Variants in AHCYL2 observed in about 807,000 individuals in gnomAD.
AHCYL2 encodes S-adenosylhomocysteine hydrolase-like protein 2.
In AHCYL2, 28 loss-of-function variants were observed where a neutral mutation model predicts 81.4. That is an observed-to-expected ratio of 0.34 (90% CI 0.25 to 0.47). The LOEUF is 0.47. Ranked by LOEUF, AHCYL2 falls within the 20% of genes least tolerant of loss-of-function variation. The probability of loss-of-function intolerance (pLI) is 1.00; values close to 1 mark genes in which losing one functional copy is unlikely to be tolerated. For missense variants in AHCYL2, 551 were observed against 785.1 expected (o/e 0.70, Z 3.56); for synonymous variants, 272 against 290.2 (o/e 0.94, Z 0.64).
chr7:129,374,944 C>G (rs1471560858), intron 1 of AHCYL2, among the ~76,000 whole-genome samples: 3 of 149,680 alleles, frequency 2.0e-5, no homozygotes, highest in Non-Finnish European at 4.4e-5. Context: ...GTGTAGCTTT[C>G]TTCCTCACTA....
chr7:129,247,700 C>G (rs1012999264), intron 1 of AHCYL2, among the ~76,000 whole-genome samples: 7 of 152,010 alleles, frequency 4.6e-5, no homozygotes, highest in Non-Finnish European at 1.0e-4. Flanking sequence ...TCCCTGGGCT[C>G]AGATGATTCT....
chr7:129,316,937 C>A (rs953904902), intron 1 of AHCYL2, among the ~76,000 whole-genome samples: 1 of 152,110 alleles, frequency 6.6e-6, no homozygotes, highest in Non-Finnish European at 1.5e-5. Context: ...GATGAAGAAG[C>A]CTTGAGCTGA....
intron 1 of AHCYL2, among the ~76,000 whole-genome samples, chr7:129,370,710 C>T (rs1794365840): frequency 1.3e-5 from 2 of 152,120 alleles, no homozygotes. Context: ...AACAAACAAA[C>T]AAAATAATAA....
At chr7:129,409,387 C>G (rs1796457551) in intron 10 of AHCYL2, 89 bp from the exon 11 acceptor site, 2 of 925,716 alleles carry the variant, frequency 2.2e-6, no homozygotes, top group Non-Finnish European at 3.4e-6. Flanking sequence ...CAAGAAATGA[C>G]AGCAACTTGA....
chr7:129,267,343 C>T, intron 1 of AHCYL2, among the ~76,000 whole-genome samples: 1 of 151,498 alleles, frequency 6.6e-6, no homozygotes, highest in Non-Finnish European at 1.5e-5. Flanking sequence ...TCACTCTTGT[C>T]GCCCAGGCTG....
chr7:129,396,448 C>CTTTG (rs919474390), intron 4 of AHCYL2, among the ~76,000 whole-genome samples: 2 of 149,474 alleles, frequency 1.3e-5, no homozygotes, highest in Admixed American at 1.3e-4. Flanking sequence ...TGAGACAGAG[C>CTTTG]TTTGCTCTTG....
intron 1 of AHCYL2, among the ~76,000 whole-genome samples, chr7:129,364,582 C>T (rs1189700979): frequency 6.6e-6 from 1 of 152,294 alleles, no homozygotes; most frequent in African/African-American, 2.4e-5. Flanking sequence ...TGAGCCACTG[C>T]GCCCAGCTTC....
intron 1 of AHCYL2, among the ~76,000 whole-genome samples, chr7:129,241,307 C>T (rs1355128728): frequency 2.0e-5 from 3 of 152,160 alleles, no homozygotes; most frequent in Non-Finnish European, 4.4e-5. Flanking sequence ...TAATTTCAAA[C>T]AGGCTAGGCA....
intron 6 of AHCYL2, among the ~76,000 whole-genome samples, chr7:129,401,417 G>A (rs1276471107): frequency 6.6e-6 from 1 of 151,956 alleles, no homozygotes; most frequent in African/African-American, 2.4e-5. Context: ...CTAGGGGGAG[G>A]GGGCAGAAAT....
chr7:129,336,002 T>C (rs1166970981), intron 1 of AHCYL2, among the ~76,000 whole-genome samples: 2 of 152,018 alleles, frequency 1.3e-5, no homozygotes, highest in African/African-American at 4.8e-5. Flanking sequence ...CTATTGAGAA[T>C]AGCACATAAG....
At chr7:129,409,435 G>A (rs1028228160) in intron 10 of AHCYL2, 41 bp from the exon 11 acceptor site, 6 of 1,557,138 alleles carry the variant, frequency 3.9e-6, no homozygotes, top group Non-Finnish European at 5.3e-6. Flanking sequence ...AGGCTCCCCA[G>A]CTGCCTGTTT....
intron 1 of AHCYL2, among the ~76,000 whole-genome samples, chr7:129,249,290 AC>A (rs1795167411): frequency 6.6e-6 from 1 of 151,518 alleles, no homozygotes; most frequent in African/African-American, 2.4e-5. Flanking sequence ...GAGCTGCTGC[AC>A]CCAGCCCATT....
chr7:129,302,555 G>A (rs1797290635), intron 1 of AHCYL2, among the ~76,000 whole-genome samples: 1 of 152,126 alleles, frequency 6.6e-6, no homozygotes, highest in South Asian at 2.1e-4. Flanking sequence ...TTATTTTTAG[G>A]GTTTTTATCA....
In AHCYL2 at chr7:129,368,320, A is replaced by G. The variant is rs1466036558; in HGVS notation, c.364-11318A>G. 37 of 1,446,290 alleles carry G rather than the reference A, an allele frequency of 2.6e-5. No homozygotes were observed. The highest frequency in any genetic ancestry group is 3.4e-5 in the Non-Finnish European group (37 of 1,099,514). 89.6% of individuals were successfully genotyped at this position (1,446,290 alleles called of 1,614,324 possible). ...GTAAGGGGTTGTCAGGCAGTTGACT[A>G]ATGCTCTTGATTTGAATCGGAGGCT... is the stretch of plus-strand genomic sequence containing the variant. On this transcript the variant is annotated intron_variant, in intron 1 of 16. Transcript: ENST00000325006. This position sits in a 1 kb window ranked among gnomAD's most constrained non-coding sequence, Gnocchi z 4.4.
At chr7:129,393,451 T>G (rs912139603) in intron 4 of AHCYL2, among the ~76,000 whole-genome samples, 1 of 152,146 alleles carries the variant, frequency 6.6e-6, no homozygotes, top group African/African-American at 2.4e-5. Context: ...ATTAATATGT[T>G]TATGTGAGAT....
In AHCYL2 at chr7:129,426,531, C is replaced by T. The variant is rs923241419; in HGVS notation, c.1797C>T (p.Asn599=). Residue 599 remains asparagine (N), a synonymous_variant, in exon 16 of 17, where the codon AAC becomes AAT. Transcript: ENST00000325006. The surrounding 1 kb of genome is among the most constrained non-coding windows in gnomAD (Gnocchi z 4.3). ...AACAGGCCAAGTATCTGGGACTCAA[C>T]AAGAATGGGCCCTTCAAGCCTAATT... ...TDEQAKYLGL[N]KNGPFKPNYY... 2 of 1,613,956 alleles carry T rather than the reference C, an allele frequency of 1.2e-6. No homozygotes were observed. The highest frequency in any genetic ancestry group is 8.5e-7 in the Non-Finnish European group (1 of 1,179,966).
chr7:129,244,284 A>G (rs1794972414), intron 1 of AHCYL2, among the ~76,000 whole-genome samples: 1 of 152,000 alleles, frequency 6.6e-6, no homozygotes, highest in South Asian at 2.1e-4. Context: ...AATTACAGGC[A>G]TGAGCCACTG....
intron 1 of AHCYL2, among the ~76,000 whole-genome samples, chr7:129,235,698 A>G (rs1160032201): frequency 2.0e-5 from 3 of 152,174 alleles, no homozygotes; most frequent in Non-Finnish European, 4.4e-5. Context: ...GAGTTTTATA[A>G]TAACTTGTAC....
intron 1 of AHCYL2, among the ~76,000 whole-genome samples, chr7:129,271,022 C>A (rs954919347): frequency 1.3e-5 from 2 of 152,020 alleles, no homozygotes; most frequent in Non-Finnish European, 2.9e-5. Context: ...ATAGGGATAT[C>A]CTCAATCTAG....
Sources: gnomAD v4.1 joint callset for allele counts (sites outside exome capture counted in the v4.1 genomes callset) on GRCh38, gnomAD v4.1.1 for gene constraint, Gnocchi (gnomAD v3.1) non-coding constraint, MANE v1.5 for transcripts, NCBI Gene and HGNC (gene_info 2026-07-23, HGNC 2026-07-21) for gene names.